NCOR2: variants seen among roughly 807,000 people sequenced by gnomAD.
NCOR2 encodes the protein CTG repeat protein 26.
In NCOR2, 81 loss-of-function variants were observed where a neutral mutation model predicts 262.9. That is an observed-to-expected ratio of 0.31 (90% CI 0.26 to 0.37). The LOEUF (loss-of-function observed/expected upper bound fraction) is 0.37. NCOR2 is among the 10% of genes least tolerant of loss of function. The pLI is 1.00. For synonymous variants in NCOR2, 1,659 were observed against 1,559.3 expected (o/e 1.06, Z -1.51); for missense variants, 3,385 against 3,621.4 (o/e 0.93, Z 1.68).
chr12:124,422,172 G>A (rs981444200), intron 12 of NCOR2, among the ~76,000 whole-genome samples: 4 of 152,238 alleles, frequency 2.6e-5, no homozygotes, highest in Non-Finnish European at 5.9e-5. Context: ...CGCTCCACGT[G>A]GCCTTTGAGG....
chr12:124,556,998 G>C (rs990917895), intron 1 of NCOR2, among the ~76,000 whole-genome samples: 3 of 152,268 alleles, frequency 2.0e-5, no homozygotes, highest in Admixed American at 1.3e-4. Flanking sequence ...AGGCCGGTGT[G>C]GCTGAGACAG....
chr12:124,547,587 C>T (rs2051579406), intron 1 of NCOR2, among the ~76,000 whole-genome samples: 3 of 152,176 alleles, frequency 2.0e-5, no homozygotes, highest in East Asian at 3.8e-4. Flanking sequence ...CAGTGCTGTG[C>T]GACCATCACC....
At chr12:124,333,863 T>TGTGTGCGCAGGTGTGCGG (rs2035515207) in intron 41 of NCOR2, among the ~76,000 whole-genome samples, 1 of 124,560 alleles carries the variant, frequency 8.0e-6, no homozygotes, top group Admixed American at 7.8e-5. Flanking sequence ...TGCATGTGTG[T>TGTGTGCGCAGGTGTGCGG]GTGCGCATGT....
intron 15 of NCOR2, among the ~76,000 whole-genome samples, chr12:124,400,034 C>T (rs908932565): frequency 5.3e-5 from 8 of 152,174 alleles, no homozygotes; most frequent in Admixed American, 3.3e-4. Context: ...GGTGGTTACT[C>T]GGCTCCCAAC....
intron 1 of NCOR2, among the ~76,000 whole-genome samples, chr12:124,515,469 A>G (rs1362644046): frequency 1.3e-5 from 2 of 152,128 alleles, no homozygotes; most frequent in African/African-American, 2.4e-5. Context: ...AACCTGAGAC[A>G]ACGACAATTC....
At chr12:124,509,184 G>C (rs1465944968) in intron 1 of NCOR2, among the ~76,000 whole-genome samples, 1 of 148,530 alleles carries the variant, frequency 6.7e-6, no homozygotes, top group Non-Finnish European at 1.5e-5. Context: ...TCAGTCCTGG[G>C]GTCTCAGGGA....
chr12:124,397,792 TC>T (rs1024619860), intron 16 of NCOR2, among the ~76,000 whole-genome samples: 12 of 152,108 alleles, frequency 7.9e-5, no homozygotes, highest in Non-Finnish European at 1.6e-4. Context: ...CACTGCTCTG[TC>T]CCCAAGGCCC....
chr12:124,491,774 C>T (rs1432043045), intron 1 of NCOR2, among the ~76,000 whole-genome samples: 1 of 152,144 alleles, frequency 6.6e-6, no homozygotes, highest in Non-Finnish European at 1.5e-5. Context: ...AAGCTGTGAG[C>T]ATTTTGTTAC....
At chr12:124,433,852 A>ACC (rs2044137134) in intron 8 of NCOR2, among the ~76,000 whole-genome samples, 1 of 52,568 alleles carries the variant, frequency 1.9e-5, no homozygotes. Flanking sequence ...TCTTACACAC[A>ACC]CACACACACA....
Position 124,457,799 on chromosome 12 carries a change from C to T in NCOR2, c.706-637G>A, listed in dbSNP as rs10846675. ...TCCATCAATAGGCTGGACCTCCGGGCCCCCACCCCGGCCCTCGGTGTGAAG... is the reference window on the plus strand; with the variant it reads ...TCCATCAATAGGCTGGACCTCCGGGTCCCCACCCCGGCCCTCGGTGTGAAG... On this transcript the variant is annotated intron_variant, in intron 5 of 46. Transcript: ENST00000405201. This position sits in a 1 kb window ranked among gnomAD's most constrained non-coding sequence, Gnocchi z 4.0. Among the ~76,000 whole-genome samples the T allele has an allele frequency of 4.7e-3, 723 of 152,262 alleles. 26 individuals are homozygous for T. In the East Asian group the frequency reaches 0.087, roughly 18 times the overall value.
intron 1 of NCOR2, among the ~76,000 whole-genome samples, chr12:124,528,662 G>A (rs2050611329): frequency 6.6e-6 from 1 of 152,212 alleles, no homozygotes; most frequent in Admixed American, 6.5e-5. Context: ...CTCTCCAGCA[G>A]AGGAAACCCT....
At chr12:124,471,269 C>T (rs1170709153) in intron 4 of NCOR2, among the ~76,000 whole-genome samples, 1 of 152,230 alleles carries the variant, frequency 6.6e-6, no homozygotes, top group Non-Finnish European at 1.5e-5. Flanking sequence ...CACCAGCCTT[C>T]ACCCACCTGC....
At chr12:124,357,421 T>C (rs2038035913) in intron 22 of NCOR2, among the ~76,000 whole-genome samples, 1 of 152,178 alleles carries the variant, frequency 6.6e-6, no homozygotes, top group Admixed American at 6.5e-5. Flanking sequence ...CCCAAGTAGC[T>C]GGGACTACAA....
intron 41 of NCOR2, 114 bp downstream of exon 43, chr12:124,334,310 A>G (rs2035679595): frequency 2.9e-6 from 2 of 697,818 alleles, no homozygotes; most frequent in African/African-American, 1.9e-5. Flanking sequence ...TGCCTGTGCA[A>G]TGGCACCAGG....
intron 1 of NCOR2, among the ~76,000 whole-genome samples, chr12:124,543,587 C>T (rs1052201616): frequency 5.9e-5 from 9 of 152,214 alleles, no homozygotes; most frequent in Non-Finnish European, 1.0e-4. Flanking sequence ...CCAGAAACCT[C>T]GCCGCCCCTC....
chr12:124,494,227 A>T (rs2342926), intron 1 of NCOR2, among the ~76,000 whole-genome samples: 1 of 151,866 alleles, frequency 6.6e-6, no homozygotes, highest in Non-Finnish European at 1.5e-5. Context: ...ACAGACACAC[A>T]CACACACGCA....
chr12:124,527,264 G>A (rs897142698), intron 1 of NCOR2, among the ~76,000 whole-genome samples: 2 of 152,172 alleles, frequency 1.3e-5, no homozygotes, highest in African/African-American at 4.8e-5. Context: ...TGGGAAGGAC[G>A]CAGACGGGGG....
intron 46 of NCOR2, 46 bp from the exon 49 acceptor site, chr12:124,325,629 G>A: frequency 8.1e-7 from 1 of 1,228,730 alleles, no homozygotes; most frequent in Non-Finnish European, 1.0e-6. Flanking sequence ...TGTGAGCCCG[G>A]CAGCCCCTGC....
intron 13 of NCOR2, 58 bp downstream of exon 15, chr12:124,419,899 G>C: frequency 6.6e-7 from 1 of 1,504,990 alleles, no homozygotes; most frequent in Non-Finnish European, 9.2e-7. Context: ...CACCAAGCAA[G>C]TGGCCGCTGA....
Sources: gnomAD v4.1 joint callset for allele counts (sites outside exome capture counted in the v4.1 genomes callset) on GRCh38, gnomAD v4.1.1 for gene constraint, Gnocchi (gnomAD v3.1) non-coding constraint, MANE v1.5 for transcripts, NCBI Gene and HGNC (gene_info 2026-07-23, HGNC 2026-07-21) for gene names.